The following TENM3 variants were observed in gnomAD, a reference collection of about 807,000 sequenced individuals.
TENM3 encodes teneurin-3.
In TENM3, 63 loss-of-function variants were observed where a neutral mutation model predicts 255.1. The ratio of observed to expected loss-of-function variants is 0.25; its 90% confidence interval spans 0.20 to 0.30. The LOEUF (loss-of-function observed/expected upper bound fraction) is 0.30, where lower values mean the gene tolerates loss of function less well. Ranked by LOEUF, TENM3 falls within the 10% of genes least tolerant of loss-of-function variation. The probability of loss-of-function intolerance (pLI) is 1.00; values close to 1 mark genes in which losing one functional copy is unlikely to be tolerated. For missense variants in TENM3, 2,929 were observed against 3,461.1 expected, an observed-to-expected ratio of 0.85 and a Z score of 3.86; for synonymous variants, 1,306 against 1,322.3, an observed-to-expected ratio of 0.99 and a Z score of 0.27.
chr4:182,268,611 G>C (rs1421358212), intron 1 of TENM3, among the ~76,000 whole-genome samples: 2 of 152,124 alleles, frequency 1.3e-5, no homozygotes, highest in African/African-American at 4.8e-5. Context: ...AGAAAATACA[G>C]ATCATAAAGA....
chr4:181,825,372 G>A, the TENM3 span, among the ~76,000 whole-genome samples: 1 of 116,998 alleles, frequency 8.5e-6, no homozygotes, highest in Non-Finnish European at 1.6e-5. Context: ...TTGCACTTCA[G>A]CCTGGGTGAT....
intron 3 of TENM3, among the ~76,000 whole-genome samples, chr4:182,356,620 C>G (rs1442436827): frequency 1.3e-5 from 2 of 152,142 alleles, no homozygotes; most frequent in South Asian, 4.2e-4. Flanking sequence ...AGCGTCTGAC[C>G]TCTGAGAATC....
chr4:182,731,853 C>T (rs1290439241), intron 16 of TENM3, among the ~76,000 whole-genome samples: 2 of 151,230 alleles, frequency 1.3e-5, no homozygotes, highest in Non-Finnish European at 2.9e-5. Context: ...ACGATCTCGG[C>T]TCACTGCAAG....
rs555434100 is a variant in TENM3 at position 182,391,632 on chromosome 4, A to G, written c.511+44703A>G. Among the ~76,000 whole-genome samples the G allele has an allele frequency of 3.9e-5, 6 of 152,322 alleles. No individual in the cohort carries two copies. The South Asian group carries it at 1.2e-3, about 32-fold the overall frequency. On this transcript the variant is annotated intron_variant, in intron 3 of 27. Coordinates refer to ENST00000511685, the MANE Select transcript of TENM3 (RefSeq NM_001080477.4). ...ATAAATGTAATGGCATTTAATGATT[A>G]TGCAGCTCGTAGCATCTTTTATTCA...
chr4:181,793,857 A>G, the TENM3 span, among the ~76,000 whole-genome samples: 1 of 152,052 alleles, frequency 6.6e-6, no homozygotes, highest in East Asian at 1.9e-4. Flanking sequence ...GCTGTTGAGT[A>G]TTTTTCAGTG....
At chr4:182,501,303 GA>G (rs1736293085) in intron 3 of TENM3, among the ~76,000 whole-genome samples, 1 of 148,264 alleles carries the variant, frequency 6.7e-6, no homozygotes, top group Admixed American at 6.8e-5. Context: ...AATGTAAAAT[GA>G]AAAGAGAAAA....
the TENM3 span, among the ~76,000 whole-genome samples, chr4:181,467,671 C>G: frequency 1.3e-5 from 2 of 151,952 alleles, no homozygotes; most frequent in Non-Finnish European, 2.9e-5. Flanking sequence ...GTGACACTTA[C>G]AAGAAAATTG....
the TENM3 span, among the ~76,000 whole-genome samples, chr4:181,511,800 C>T: frequency 1.2e-3 from 188 of 152,114 alleles, no homozygotes; most frequent in African/African-American, 3.7e-3. Context: ...GGACCACCAG[C>T]GGGTCAAAAT....
chr4:182,685,569 T>G (rs1756508154), intron 11 of TENM3, among the ~76,000 whole-genome samples: 1 of 152,118 alleles, frequency 6.6e-6, no homozygotes, highest in Admixed American at 6.6e-5. Context: ...GCATTTAGTG[T>G]TTTCTGTTGA....
At chr4:181,658,621 T>C in the TENM3 span, among the ~76,000 whole-genome samples, 3 of 152,202 alleles carry the variant, frequency 2.0e-5, no homozygotes, top group Non-Finnish European at 2.9e-5. Context: ...TTTTGCTACA[T>C]TGATTCTCTA....
the TENM3 span, among the ~76,000 whole-genome samples, chr4:182,096,034 G>C: frequency 6.6e-6 from 1 of 151,898 alleles, no homozygotes; most frequent in African/African-American, 2.4e-5. Context: ...GGAGGCTGAG[G>C]TGGGAGGATT....
chr4:182,772,191 A>C (rs1271120747), intron 22 of TENM3, among the ~76,000 whole-genome samples: 2 of 151,486 alleles, frequency 1.3e-5, no homozygotes, highest in Non-Finnish European at 2.9e-5. Flanking sequence ...TGTTTCACGA[A>C]AAACCCCTAT....
chr4:182,310,007 G>A lies in TENM3; in HGVS notation c.-75-13939G>A, dbSNP rs573018448. ...TATGCTTTTTGGATAATTAAAAGTA[G>A]TAAACTAAGCCTCAGAGAGCTTAAG... On this transcript the variant is annotated intron_variant, in intron 1 of 27. Coordinates refer to ENST00000511685, the MANE Select transcript of TENM3 (RefSeq NM_001080477.4). Among the ~76,000 whole-genome samples the A allele has an allele frequency of 1.7e-3, 253 of 152,294 alleles. 1 individual carries two copies. The highest frequency in any genetic ancestry group is 5.9e-3 in the African/African-American group (246 of 41,564).
intron 13 of TENM3, among the ~76,000 whole-genome samples, chr4:182,723,852 A>G (rs1759948879): frequency 6.6e-6 from 1 of 152,226 alleles, no homozygotes; most frequent in Non-Finnish European, 1.5e-5. Flanking sequence ...GGCAGAGTTG[A>G]ACAGTCGCCA....
the TENM3 span, among the ~76,000 whole-genome samples, chr4:181,503,858 T>C: frequency 6.6e-6 from 1 of 152,184 alleles, no homozygotes; most frequent in Non-Finnish European, 1.5e-5. Context: ...CGCTGCACAG[T>C]TCCTGCTCCG....
chr4:182,376,721 G>A (rs1351539279), intron 3 of TENM3, among the ~76,000 whole-genome samples: 2 of 151,770 alleles, frequency 1.3e-5, no homozygotes, highest in Non-Finnish European at 2.9e-5. Context: ...GATGGCCATT[G>A]GACCCATTTT....
At chr4:182,719,985 T>C (rs1158131919) in intron 13 of TENM3, among the ~76,000 whole-genome samples, 1 of 151,918 alleles carries the variant, frequency 6.6e-6, no homozygotes, top group Non-Finnish European at 1.5e-5. Context: ...CACCTGAGCC[T>C]GGGGAGGTCA....
intron 1 of TENM3, among the ~76,000 whole-genome samples, chr4:182,154,139 C>CTTT (rs538835252): frequency 2.1e-5 from 3 of 143,596 alleles, no homozygotes; most frequent in African/African-American, 7.6e-5. Flanking sequence ...TGCTTTTTTT[C>CTTT]TTTTTTTTTT....
upstream of TENM3, among the ~76,000 whole-genome samples, chr4:182,140,986 T>TCCCCCCCCCCCCACC (rs199951374): frequency 8.6e-6 from 1 of 115,654 alleles, no homozygotes; most frequent in African/African-American, 3.2e-5. Context: ...GCCCATTATA[T>TCCCCCCCCCCCCACC]CCCTCCCCCC....
Sources: gnomAD v4.1 joint callset for allele counts (sites outside exome capture counted in the v4.1 genomes callset) on GRCh38, gnomAD v4.1.1 for gene constraint, MANE v1.5 for transcripts, NCBI Gene and HGNC (gene_info 2026-07-23, HGNC 2026-07-21) for gene names.